Variants in KHDRBS1 observed in about 807,000 individuals in gnomAD.
The protein encoded by KHDRBS1 is KH RNA binding domain containing, signal transduction associated 1.
A neutral mutation model predicts 48.4 loss-of-function variants in KHDRBS1; 7 were observed. The ratio of observed to expected loss-of-function variants is 0.14; its 90% confidence interval spans 0.08 to 0.27. The LOEUF is 0.27. KHDRBS1 is among the 10% of genes least tolerant of loss of function. KHDRBS1 has a pLI of 1.00. For missense variants in KHDRBS1, 458 were observed against 601.2 expected (o/e 0.76, Z 2.49); for synonymous variants, 241 against 235.8 (o/e 1.02, Z -0.20).
intron 1 of KHDRBS1, among the ~76,000 whole-genome samples, chr1:32,021,128 A>T (rs1302913057): frequency 6.6e-6 from 1 of 152,180 alleles, no homozygotes; most frequent in African/African-American, 2.4e-5. Context: ...AATTAAAAAA[A>T]AAAATTTTCA....
chr1:32,047,618 C>T (rs115370439), downstream of KHDRBS1, among the ~76,000 whole-genome samples: 1,090 of 152,280 alleles, frequency 7.2e-3, 1 homozygote, highest in Non-Finnish European at 0.01. Flanking sequence ...TAATACCTGA[C>T]ATTTATCACT....
At chr1:32,019,561 AAG>A (rs1285485262) in intron 1 of KHDRBS1, among the ~76,000 whole-genome samples, 2 of 152,098 alleles carry the variant, frequency 1.3e-5, no homozygotes, top group Non-Finnish European at 2.9e-5. Flanking sequence ...AAGAAAGAAA[AAG>A]AAAATATTTG....
At chr1:32,045,876 T>A (rs544939935), downstream of KHDRBS1, among the ~76,000 whole-genome samples, 3 of 152,292 alleles carry the variant, frequency 2.0e-5, no homozygotes, top group South Asian at 6.2e-4. Context: ...TCTTTCTGCC[T>A]CTACTCAAGA....
intron 5 of KHDRBS1, 130 bp from the exon 6 acceptor site, chr1:32,037,703 CCT>C: frequency 1.0e-6 from 1 of 985,904 alleles, no homozygotes; most frequent in Non-Finnish European, 1.6e-6. Context: ...CCTGTACATT[CCT>C]CTGTGCTTTA....
chr1:32,036,839 C>A, intron 4 of KHDRBS1, 71 bp from the exon 5 acceptor site: 1 of 1,502,640 alleles, frequency 6.7e-7, no homozygotes, highest in Middle Eastern at 1.9e-4. Flanking sequence ...TTCAAGTCTC[C>A]CGTGGACCAG....
intron 1 of KHDRBS1, 22 bp downstream of exon 1, chr1:32,014,399 C>G: frequency 1.5e-6 from 2 of 1,317,750 alleles, no homozygotes; most frequent in Non-Finnish European, 2.0e-6. Context: ...TCCCGTGTCC[C>G]TCTGGGTCGC....
intron 10 of KHDRBS1, among the ~76,000 whole-genome samples, chr1:32,058,416 A>G (rs1639506322): frequency 6.6e-6 from 1 of 152,134 alleles, no homozygotes. Context: ...AAAAAAGCAA[A>G]GTTTATCATA....
downstream of KHDRBS1, chr1:32,043,941 C>T (rs918002130): frequency 6.6e-6 from 1 of 152,558 alleles, no homozygotes; most frequent in South Asian, 2.1e-4. Flanking sequence ...TTCAAATAAA[C>T]TTAAATTAAC....
At position 32,017,576 on chromosome 1, in the gene KHDRBS1, A is replaced by G. The variant is rs539580981; in HGVS notation, c.382+3199A>G. Among the ~76,000 whole-genome samples, 22 of 145,992 alleles carry G rather than the reference A, an allele frequency of 1.5e-4. 1 individual carries two copies. The highest frequency in any genetic ancestry group is 6.5e-4 in the South Asian group (3 of 4,628). On this transcript the variant is annotated intron_variant, in intron 1 of 8. Transcript: ENST00000327300. ...TATATAGTAAGTAAAATGCTGTTGTATAGATACCAGTGTTCTTTTTCTACT... is the reference window on the plus strand; with the variant it reads ...TATATAGTAAGTAAAATGCTGTTGTGTAGATACCAGTGTTCTTTTTCTACT...
At chr1:32,053,118 A>G (rs1352797060) in intron 10 of KHDRBS1, among the ~76,000 whole-genome samples, 1 of 152,206 alleles carries the variant, frequency 6.6e-6, no homozygotes, top group East Asian at 1.9e-4. Flanking sequence ...ATGACACTAT[A>G]CTCCAGCTTG....
chr1:32,033,274 A>C lies in KHDRBS1; in HGVS notation c.711A>C (p.Pro237=), dbSNP rs746001942. ...LHVFIEVFGP[P]CEAYALMAHA... is the part of the protein sequence containing the mutation. ...TCTTCATTGAAGTCTTTGGACCCCC[A>C]TGTGAGGCTTATGCTCTTATGGCCC... is the stretch of plus-strand genomic sequence containing the variant. The change falls in exon 4 of 9, where the codon CCA becomes CCC. Residue 237 remains proline (P), a synonymous_variant. Coordinates refer to ENST00000327300, the MANE Select transcript of KHDRBS1 (RefSeq NM_006559.3). The C allele has an allele frequency of 6.2e-7, 1 of 1,614,070 alleles. No individual in the cohort carries two copies.
chr1:32,022,717 C>T (rs981870883), intron 1 of KHDRBS1, among the ~76,000 whole-genome samples: 3 of 151,862 alleles, frequency 2.0e-5, no homozygotes, highest in Non-Finnish European at 2.9e-5. Flanking sequence ...GGTGAAACCC[C>T]GTCTCTACTA....
chr1:32,025,192 G>A (rs531369467), intron 1 of KHDRBS1, among the ~76,000 whole-genome samples: 3 of 151,384 alleles, frequency 2.0e-5, no homozygotes, highest in South Asian at 4.2e-4. Context: ...CCTGAACCCA[G>A]GAGGTTGAGG....
Position 32,039,582 on chromosome 1 carries a change from T to G in KHDRBS1, c.1234+9T>G. 7.1e-7 allele frequency: 1 copy of G among 1,409,002 alleles called. No individual in the cohort carries two copies. 87.3% of individuals were successfully genotyped at this position (1,409,002 alleles called of 1,614,324 possible). A position where few individuals can be genotyped will look rare whatever the true frequency, so the allele number is the denominator to read the frequency against. ...TTCTTATGAAGCTTATGGTATGTCTTTATCTCTGTGGTGGGGCAGAATGTA... is the reference window on the plus strand; with the variant it reads ...TTCTTATGAAGCTTATGGTATGTCTGTATCTCTGTGGTGGGGCAGAATGTA... On this transcript the variant is annotated intron_variant, in intron 8 of 8. Coordinates refer to ENST00000327300, the MANE Select transcript of KHDRBS1 (RefSeq NM_006559.3).
intron 10 of KHDRBS1, among the ~76,000 whole-genome samples, chr1:32,051,042 C>T (rs544926572): frequency 2.0e-4 from 31 of 152,158 alleles, no homozygotes; most frequent in Non-Finnish European, 3.8e-4. Context: ...GGATTACAGG[C>T]GCCCACCACC....
chr1:32,032,233 T>C (rs1639095131), intron 3 of KHDRBS1, among the ~76,000 whole-genome samples: 1 of 152,212 alleles, frequency 6.6e-6, no homozygotes, highest in Non-Finnish European at 1.5e-5. Flanking sequence ...CAAAACAGAA[T>C]AGTCTTAGCC....
intron 10 of KHDRBS1, among the ~76,000 whole-genome samples, chr1:32,055,264 A>G (rs992804451): frequency 2.6e-5 from 4 of 152,252 alleles, no homozygotes; most frequent in East Asian, 1.9e-4. Flanking sequence ...CCTGGCCAAC[A>G]TGGTGAAACC....
Position 32,037,858 on chromosome 1 carries a change from G to C in KHDRBS1, c.929G>C (p.Arg310Pro), listed in dbSNP as rs1425349014. 1 of 1,614,138 alleles carries C rather than the reference G, an allele frequency of 6.2e-7. No homozygotes were observed. The highest frequency in any genetic ancestry group is 2.2e-5 in the East Asian group (1 of 44,882). The change falls in exon 6 of 9, where the codon CGG (arginine) becomes CCG (proline). Residue 310 changes from arginine (R) to proline (P), a missense_variant. Coordinates refer to ENST00000327300, the MANE Select transcript of KHDRBS1 (RefSeq NM_006559.3). Reference protein sequence around the residue: ...VPRGRGVGPPRGALVRGTPVR... With the variant: ...VPRGRGVGPPPGALVRGTPVR... The stretch of plus-strand genomic sequence containing the variant: ...AGGGGCCGTGGTGTTGGACCACCTC[G>C]GGGGGCTTTGGTACGTGGTACACCA...
chr1:32,033,071 A>C (rs2124379159), intron 3 of KHDRBS1, 117 bp from the exon 4 acceptor site: 2 of 707,386 alleles, frequency 2.8e-6, no homozygotes, highest in Non-Finnish European at 4.9e-6. Context: ...CATACCAATT[A>C]ACTTTACTGT....
Sources: allele counts gnomAD v4.1 joint callset (sites outside exome capture counted in the v4.1 genomes callset), GRCh38; gene constraint gnomAD v4.1.1; transcripts MANE v1.5; gene names NCBI Gene and HGNC (gene_info 2026-07-23, HGNC 2026-07-21).